The following RPL35A variants were observed in gnomAD, a reference collection of about 807,000 sequenced individuals.
RPL35A encodes the protein ribosomal protein L35a.
In RPL35A, 1 loss-of-function variant was observed where a neutral mutation model predicts 16.7. The observed-to-expected ratio is 0.06, with a 90% CI of 0.02 to 0.28. The LOEUF is 0.28. RPL35A is among the 10% of genes least tolerant of loss of function. RPL35A has a pLI of 1.00. For synonymous variants in RPL35A, 58 were observed against 47.0 expected, an observed-to-expected ratio of 1.23 and a Z score of -0.96; for missense variants, 91 against 138.7, an observed-to-expected ratio of 0.66 and a Z score of 1.73.
chr3:197,950,861 G>C, intron 1 of RPL35A, 75 bp from the exon 2 acceptor site: 15 of 1,388,194 alleles, frequency 1.1e-5, no homozygotes, highest in Non-Finnish European at 1.2e-5. Flanking sequence ...TTTGCTTTAG[G>C]GGCTTAAACG....
chr3:197,953,953 T>C (rs778553626), intron 3 of RPL35A, 50 bp from the exon 4 acceptor site: 1 of 1,605,202 alleles, frequency 6.2e-7, no homozygotes, highest in South Asian at 1.1e-5. Flanking sequence ...CTTGAATTTG[T>C]ATCCAACTAT....
intron 1 of RPL35A, 168 bp from the exon 2 acceptor site, chr3:197,950,768 G>A: frequency 1.6e-6 from 1 of 633,776 alleles, no homozygotes; most frequent in Non-Finnish European, 2.8e-6. Context: ...AGGTTTGAAT[G>A]TCTTGCCGGA....
At chr3:197,951,641 C>T (rs534970889) in intron 3 of RPL35A, 7 of 325,750 alleles carry the variant, frequency 2.1e-5, no homozygotes, top group Non-Finnish European at 3.5e-5. Flanking sequence ...GCTTGAGCCA[C>T]CGCGCCTGGC....
intron 4 of RPL35A, among the ~76,000 whole-genome samples, chr3:197,955,211 C>T (rs1240035333): frequency 6.6e-6 from 1 of 151,890 alleles, no homozygotes; most frequent in East Asian, 1.9e-4. Context: ...ACAGAGGAGG[C>T]TTTTACTCTG....
At position 197,950,950 on chromosome 3, in the gene RPL35A, GGACTTCTAA is replaced by G; in HGVS notation, c.-17_-9del. On this transcript the variant is annotated 5_prime_UTR_variant, in exon 2 of 5. Transcript: ENST00000647248. ...TTTGTTTTAAGGCCTGCTGGGAACGGGACTTCTAAAAGGAACTATGTCTGGAAGGTACGC... is the reference window on the plus strand; with the variant it reads ...TTTGTTTTAAGGCCTGCTGGGAACGGAAGGAACTATGTCTGGAAGGTACGC... 1 of 1,614,060 alleles carries G rather than the reference GGACTTCTAA, an allele frequency of 6.2e-7. No individual in the cohort carries two copies. The highest frequency in any genetic ancestry group is 8.5e-7 in the Non-Finnish European group (1 of 1,179,978).
rs1320332988 is a variant in RPL35A, at chr3:197,954,226, T to C, written c.309+79T>C. The stretch of plus-strand genomic sequence containing the variant: ...GTGTTGTGCTTTGACTTCTGAGGAC[T>C]TCTGTGGTTGTGAAATTGACACCAG... On this transcript the variant is annotated intron_variant, in intron 4 of 4. Transcript: ENST00000647248. 2.7e-6 allele frequency: 4 copies of C among 1,492,808 alleles called. No homozygotes were observed. The Admixed American group carries it at 7.0e-5, about 26-fold the overall frequency. The allele number at this position is 1,492,808 out of a possible 1,614,324, so 92.5% of individuals were successfully genotyped here. A position where few individuals can be genotyped will look rare whatever the true frequency, so the allele number is the denominator to read the frequency against.
At chr3:197,953,962 A>G (rs1338385322) in intron 3 of RPL35A, 41 bp from the exon 4 acceptor site, 12 of 1,609,018 alleles carry the variant, frequency 7.5e-6, no homozygotes, top group Admixed American at 1.7e-5. Context: ...GTATCCAACT[A>G]TATCAGCTTG....
intron 3 of RPL35A, chr3:197,951,626 T>A (rs1720097212): frequency 1.9e-5 from 7 of 370,628 alleles, no homozygotes; most frequent in South Asian, 1.5e-4. Flanking sequence ...GTGCTGAGAT[T>A]ACAGGCTTGA....
At chr3:197,950,609 T>TAA in intron 1 of RPL35A, 1 of 398,092 alleles carries the variant, frequency 2.5e-6, no homozygotes, top group East Asian at 4.8e-5. Flanking sequence ...ACGTGTGTGT[T>TAA]TCTCTTTAAG....
intron 3 of RPL35A, chr3:197,953,621 T>C (rs1720299880): frequency 4.4e-6 from 2 of 458,410 alleles, no homozygotes; most frequent in Admixed American, 4.7e-5. Context: ...TGTTCCATGG[T>C]CACCTCAGTG....
At chr3:197,950,323 C>T in intron 1 of RPL35A, 102 bp downstream of exon 1, 1 of 1,228,168 alleles carries the variant, frequency 8.1e-7, no homozygotes, top group Non-Finnish European at 1.0e-6. Context: ...TCTCTGCCAG[C>T]CATTGATTTC....
rs761073408 is a variant in RPL35A, at chr3:197,950,942, T to C, written c.-26T>C. 5 of 1,614,154 alleles carry C rather than the reference T, an allele frequency of 3.1e-6. No homozygotes were observed. The highest frequency in any genetic ancestry group is 3.4e-6 in the Non-Finnish European group (4 of 1,179,982). On this transcript the variant is annotated 5_prime_UTR_variant, in exon 2 of 5. Coordinates refer to ENST00000647248, the MANE Select transcript of RPL35A (RefSeq NM_000996.4). ...TCTTTTTGTTTGTTTTAAGGCCTGC[T>C]GGGAACGGGACTTCTAAAAGGAACT...
chr3:197,952,990 A>G (rs1720241275), intron 3 of RPL35A, among the ~76,000 whole-genome samples: 2 of 151,104 alleles, frequency 1.3e-5, no homozygotes, highest in African/African-American at 4.9e-5. Context: ...TAGTAGAGAC[A>G]GGGTTTCACC....
chr3:197,951,997 T>G (rs1024356836), intron 3 of RPL35A, among the ~76,000 whole-genome samples: 4 of 152,170 alleles, frequency 2.6e-5, no homozygotes, highest in Non-Finnish European at 4.4e-5. Flanking sequence ...GAGGGTGGTG[T>G]TGGATTTAGG....
At chr3:197,953,728 G>A (rs770876508) in intron 3 of RPL35A, 7 of 516,416 alleles carry the variant, frequency 1.4e-5, no homozygotes, top group Non-Finnish European at 2.5e-5. Flanking sequence ...TTTCAATATT[G>A]CCTCTGTTAT....
intron 4 of RPL35A, among the ~76,000 whole-genome samples, 158 bp from the exon 5 acceptor site, chr3:197,955,592 A>G (rs1005625670): frequency 6.6e-6 from 1 of 152,140 alleles, no homozygotes; most frequent in Non-Finnish European, 1.5e-5. Flanking sequence ...GCCGGTTCTT[A>G]CGGTATGTTC....
chr3:197,950,628 TC>T (rs1246923625), intron 1 of RPL35A: 10 of 442,378 alleles, frequency 2.3e-5, no homozygotes, highest in Non-Finnish European at 4.0e-5. Context: ...AGGCTTCATT[TC>T]TTTTCCTGAG....
intron 4 of RPL35A, 108 bp from the exon 5 acceptor site, chr3:197,955,642 A>G: frequency 1.0e-6 from 1 of 995,766 alleles, no homozygotes; most frequent in Non-Finnish European, 1.6e-6. Context: ...CCTTACCACT[A>G]GAACATGTAA....
chr3:197,950,572 C>G (rs1037871089), intron 1 of RPL35A: 16 of 334,664 alleles, frequency 4.8e-5, no homozygotes, highest in African/African-American at 3.2e-4. Context: ...CTCAGCTTTT[C>G]TCCCCCAGCC....
Sources: allele counts gnomAD v4.1 joint callset (sites outside exome capture counted in the v4.1 genomes callset), GRCh38; gene constraint gnomAD v4.1.1; transcripts MANE v1.5; gene names NCBI Gene and HGNC (gene_info 2026-07-23, HGNC 2026-07-21).